Variants in STK3 observed in about 807,000 individuals in gnomAD.
STK3 encodes serine/threonine kinase 3.
STK3 carries 41 observed loss-of-function variants against 58.0 expected under a neutral mutation model. That is an observed-to-expected ratio of 0.71 (90% confidence interval 0.55 to 0.92). The LOEUF (loss-of-function observed/expected upper bound fraction) is 0.92, where lower values mean the gene tolerates loss of function less well. STK3 is among the 40% of genes least tolerant of loss of function. The pLI, the probability that STK3 is intolerant of heterozygous loss-of-function variation, is 0.00. For synonymous variants in STK3, 170 were observed against 191.0 expected, an observed-to-expected ratio of 0.89 and a Z score of 0.91; for missense variants, 479 against 602.7, an observed-to-expected ratio of 0.79 and a Z score of 2.15.
At chr8:98,847,379 C>T (rs577233886) in intron 3 of STK3, among the ~76,000 whole-genome samples, 1 of 152,342 alleles carries the variant, frequency 6.6e-6, no homozygotes, top group South Asian at 2.1e-4. Context: ...GAATCTTGCA[C>T]TGTCAACTCC....
intron 4 of STK3, among the ~76,000 whole-genome samples, chr8:98,707,862 G>C (rs542047541): frequency 6.6e-6 from 1 of 152,158 alleles, no homozygotes; most frequent in South Asian, 2.1e-4. Context: ...GTATCAGCAG[G>C]GCGTGGTGGC....
chr8:98,481,899 G>GTAAC (rs762158224), intron 10 of STK3, among the ~76,000 whole-genome samples: 33 of 152,144 alleles, frequency 2.2e-4, no homozygotes, highest in Non-Finnish European at 4.4e-4. Context: ...TTGTCACTTA[G>GTAAC]TAACCTTCTA....
intron 10 of STK3, among the ~76,000 whole-genome samples, chr8:98,460,917 G>A (rs1819922416): frequency 6.6e-6 from 1 of 152,120 alleles, no homozygotes; most frequent in South Asian, 2.1e-4. Flanking sequence ...CTATCATATG[G>A]TTTATCTTGG....
At chr8:98,469,281 G>C (rs892509375) in intron 10 of STK3, among the ~76,000 whole-genome samples, 12 of 149,988 alleles carry the variant, frequency 8.0e-5, no homozygotes, top group Admixed American at 2.7e-4. Context: ...TGAGAATGGC[G>C]CCAAATTAGA....
At chr8:98,407,767 C>T (rs1442216408) in intron 3 of STK3, among the ~76,000 whole-genome samples, 2 of 151,164 alleles carry the variant, frequency 1.3e-5, no homozygotes, top group Non-Finnish European at 2.9e-5. Flanking sequence ...TGCGCGCGCG[C>T]GCGCATGCAT....
At chr8:98,389,506 C>T (rs1779094717), upstream of STK3, among the ~76,000 whole-genome samples, 1 of 152,116 alleles carries the variant, frequency 6.6e-6, no homozygotes, top group African/African-American at 2.4e-5. Flanking sequence ...TAACTGAAGA[C>T]AAATTAACAA....
chr8:98,531,530 C>A (rs1826171964), intron 9 of STK3, among the ~76,000 whole-genome samples: 1 of 152,174 alleles, frequency 6.6e-6, no homozygotes, highest in South Asian at 2.1e-4. Flanking sequence ...GCAGAATGAG[C>A]ATAATTTTTA....
chr8:98,385,729 A>T (rs1183290908), intron 1 of STK3, among the ~76,000 whole-genome samples: 3 of 152,180 alleles, frequency 2.0e-5, no homozygotes, highest in Non-Finnish European at 4.4e-5. Flanking sequence ...CAGAGATTAA[A>T]TGTGTGCCCC....
intron 6 of STK3, among the ~76,000 whole-genome samples, chr8:98,671,663 C>T (rs1822841923): frequency 6.6e-6 from 1 of 151,850 alleles, no homozygotes; most frequent in Non-Finnish European, 1.5e-5. Flanking sequence ...CTCACTGCAG[C>T]CTCGACCTCC....
chr8:98,926,891 T>C (rs577509589), intron 1 of STK3, among the ~76,000 whole-genome samples: 72 of 152,294 alleles, frequency 4.7e-4, no homozygotes, highest in African/African-American at 1.6e-3. Context: ...GGCAAGGTAC[T>C]GAGAAGTTCC....
chr8:98,661,343 A>C (rs1745254178), intron 6 of STK3, among the ~76,000 whole-genome samples: 1 of 152,118 alleles, frequency 6.6e-6, no homozygotes, highest in African/African-American at 2.4e-5. Flanking sequence ...TTGATTATTT[A>C]GCTCAATGAA....
intron 3 of STK3, among the ~76,000 whole-genome samples, chr8:98,876,096 C>A (rs1374800529): frequency 6.6e-6 from 1 of 152,162 alleles, no homozygotes; most frequent in African/African-American, 2.4e-5. Flanking sequence ...TCCCCAGGAC[C>A]ACTGCTCCCC....
At chr8:98,906,554 C>T (rs1838910178) in intron 1 of STK3, 1 of 152,202 alleles carries the variant, frequency 6.6e-6, no homozygotes. Context: ...ACAGCCAAGT[C>T]GTTTTGGCCA....
In STK3 at chr8:98,834,004, T is replaced by A. The variant is rs1835651358; in HGVS notation, c.110+49643A>T. On this transcript the variant is annotated intron_variant, in intron 3 of 12. Transcript: ENST00000523601. Reference sequence around the variant, plus strand: ...AAAAAAAACCTTTATCTGAGGGATGTGAATCTTTAAAAATTATCAAGCCCA... The same window carrying A: ...AAAAAAAACCTTTATCTGAGGGATGAGAATCTTTAAAAATTATCAAGCCCA... Among the ~76,000 whole-genome samples, 3 of 152,166 alleles carry A rather than the reference T, an allele frequency of 2.0e-5. No individual in the cohort carries two copies. The South Asian group carries it at 6.2e-4, about 32-fold the overall frequency.
rs779811830 is a variant in STK3, at chr8:98,706,441, T to G, written c.684+26A>C. The G allele has an allele frequency of 2.8e-5, 45 of 1,593,090 alleles. No individual in the cohort carries two copies. The South Asian group carries it at 4.4e-4, about 15-fold the overall frequency. ...CGGCAACACTTATATAAGGCTAACA[T>G]TTTCAGCAAACCATAATTTTCTTAC... On this transcript the variant is annotated intron_variant, in intron 6 of 10. Transcript: ENST00000419617.
intron 8 of STK3, among the ~76,000 whole-genome samples, chr8:98,562,235 T>A (rs114037515): frequency 6.6e-6 from 1 of 152,152 alleles, no homozygotes; most frequent in Non-Finnish European, 1.5e-5. Flanking sequence ...TATTTATTGA[T>A]AACTGCCCCA....
intron 3 of STK3, among the ~76,000 whole-genome samples, chr8:98,855,092 A>G (rs1306209200): frequency 1.3e-5 from 2 of 152,176 alleles, no homozygotes; most frequent in African/African-American, 4.8e-5. Context: ...CAAAATGTTA[A>G]TACTCTCCAA....
rs895816107 is a variant in STK3 at position 98,470,884 on chromosome 8, C to A, written c.1318-14884G>T. 2.6e-5 allele frequency among the ~76,000 whole-genome samples: 4 copies of A among 152,290 alleles called. No individual in the cohort carries two copies. The East Asian group carries it at 7.7e-4, about 29-fold the overall frequency. ...ATATTTGGTAACAATTTCGTAAAAT[C>A]TTTTATATCCCACTTAGAAATTAAC... On this transcript the variant is annotated intron_variant, in intron 10 of 10. Coordinates refer to ENST00000419617, the MANE Select transcript of STK3 (RefSeq NM_006281.4).
At chr8:98,928,575 T>C (rs920967787) in intron 1 of STK3, among the ~76,000 whole-genome samples, 6 of 152,250 alleles carry the variant, frequency 3.9e-5, no homozygotes, top group Non-Finnish European at 7.3e-5. Context: ...GTTCCTGCAC[T>C]GCAGAGCAGT....
Sources: allele counts gnomAD v4.1 joint callset (sites outside exome capture counted in the v4.1 genomes callset), GRCh38; gene constraint gnomAD v4.1.1; transcripts MANE v1.5; gene names NCBI Gene and HGNC (gene_info 2026-07-23, HGNC 2026-07-21).